The following PIAS2 variants were observed in gnomAD, a reference collection of about 807,000 sequenced individuals.
PIAS2 encodes the protein protein inhibitor of activated STAT 2, also known as E3 SUMO-protein ligase PIAS2.
Under a neutral mutation model 69.7 loss-of-function variants are expected in PIAS2, and 19 were observed. That is an observed-to-expected ratio of 0.27 (90% CI 0.19 to 0.40). The LOEUF is 0.40. PIAS2 is among the 10% of genes least tolerant of loss of function. PIAS2 has a pLI of 1.00. For missense variants in PIAS2, 624 were observed against 757.0 expected, an observed-to-expected ratio of 0.82 and a Z score of 2.06; for synonymous variants, 261 against 263.2, an observed-to-expected ratio of 0.99 and a Z score of 0.08.
At chr18:46,869,886 A>AC (rs2050069954) in intron 2 of PIAS2, among the ~76,000 whole-genome samples, 1 of 152,050 alleles carries the variant, frequency 6.6e-6, no homozygotes, top group Non-Finnish European at 1.5e-5. Flanking sequence ...GGCAGCAGGG[A>AC]CCCATCCTTC....
intron 3 of PIAS2, among the ~76,000 whole-genome samples, chr18:46,858,220 A>AC (rs1568557272): frequency 8.9e-6 from 1 of 112,800 alleles, no homozygotes; most frequent in South Asian, 2.7e-4. Context: ...AGGAGATAAG[A>AC]TTAAAAAAAA....
At chr18:46,871,583 C>A (rs1003556388) in intron 2 of PIAS2, among the ~76,000 whole-genome samples, 3 of 152,130 alleles carry the variant, frequency 2.0e-5, no homozygotes, top group African/African-American at 7.2e-5. Context: ...TTGAATTCTA[C>A]CAAGAGCCCT....
chr18:46,814,115 A>T (rs889745259), intron 13 of PIAS2, among the ~76,000 whole-genome samples: 5 of 152,132 alleles, frequency 3.3e-5, no homozygotes, highest in African/African-American at 1.2e-4. Context: ...CTGTGCGTTG[A>T]ATTCTTAGTA....
chr18:46,913,356 C>T lies in PIAS2; in HGVS notation c.24+3966G>A, dbSNP rs117185943. ...GCATGAAAGACCCAAATCTGATCTT[C>T]GAATTATGACACAACAAATTTACCC... On this transcript the variant is annotated intron_variant, in intron 1 of 13. Transcript: ENST00000585916. Among the ~76,000 whole-genome samples, 1,147 of 152,198 alleles carry T rather than the reference C, an allele frequency of 7.5e-3. 10 individuals are homozygous for T. The highest frequency in any genetic ancestry group is 0.03 in the South Asian group (147 of 4,822).
intron 12 of PIAS2, chr18:46,816,113 C>G (rs1458477732): frequency 1.0e-6 from 1 of 984,728 alleles, no homozygotes; most frequent in Non-Finnish European, 1.2e-6. Flanking sequence ...ACTAAACTCT[C>G]TTTAATTATT....
chr18:46,904,418 G>A lies in PIAS2; in HGVS notation c.24+12904C>T, dbSNP rs558641285. On this transcript the variant is annotated intron_variant, in intron 1 of 13. Transcript: ENST00000585916. ...GGACACAAAAATGTAACGGTGAGGA[G>A]AAATTTTTTAAATTAGGCAAAACTG... Among the ~76,000 whole-genome samples, 8 of 152,164 alleles carry A rather than the reference G, an allele frequency of 5.3e-5. No individual in the cohort carries two copies. In the South Asian group the frequency reaches 1.7e-3, roughly 32 times the overall value.
chr18:46,874,041 A>G (rs922459910), intron 2 of PIAS2, among the ~76,000 whole-genome samples: 2 of 152,250 alleles, frequency 1.3e-5, no homozygotes, highest in African/African-American at 4.8e-5. Flanking sequence ...AGTTGCATCA[A>G]GAAACCCACT....
intron 2 of PIAS2, among the ~76,000 whole-genome samples, chr18:46,875,136 G>A (rs187031415): frequency 5.3e-5 from 8 of 152,182 alleles, no homozygotes; most frequent in East Asian, 3.9e-4. Flanking sequence ...TCAGTTTGAC[G>A]CTTGTTCAGT....
At chr18:46,823,658 G>A (rs1020147456) in intron 11 of PIAS2, among the ~76,000 whole-genome samples, 3 of 152,112 alleles carry the variant, frequency 2.0e-5, no homozygotes, top group East Asian at 1.9e-4. Flanking sequence ...ATCCAATGGC[G>A]GTACAAATTA....
At chr18:46,817,948 C>A (rs1776504341) in intron 12 of PIAS2, 1 of 984,202 alleles carries the variant, frequency 1.0e-6, no homozygotes, top group Non-Finnish European at 1.2e-6. Flanking sequence ...AATGCTGTTT[C>A]TTATTTCACC....
At chr18:46,880,492 G>A (rs985949858) in intron 2 of PIAS2, among the ~76,000 whole-genome samples, 6 of 152,176 alleles carry the variant, frequency 3.9e-5, no homozygotes, top group Non-Finnish European at 7.3e-5. Context: ...TGAGGCAGGA[G>A]GTTCACTTGA....
intron 9 of PIAS2, among the ~76,000 whole-genome samples, chr18:46,834,143 G>C (rs984848676): frequency 1.3e-5 from 2 of 152,060 alleles, no homozygotes; most frequent in African/African-American, 4.8e-5. Context: ...AGCAATGTAT[G>C]ACGGAACAAC....
chr18:46,912,764 A>G (rs978052097), intron 1 of PIAS2, among the ~76,000 whole-genome samples: 1 of 152,200 alleles, frequency 6.6e-6, no homozygotes, highest in Non-Finnish European at 1.5e-5. Flanking sequence ...CTAAAAACAA[A>G]CAAACAAAAA....
At chr18:46,828,439 G>A (rs116455407) in intron 10 of PIAS2, among the ~76,000 whole-genome samples, 363 of 152,314 alleles carry the variant, frequency 2.4e-3, no homozygotes, top group African/African-American at 8.3e-3. Context: ...TGCTCATCCT[G>A]TCTCTGCAGG....
chr18:46,824,413 G>C (rs1305728699), intron 11 of PIAS2, among the ~76,000 whole-genome samples: 1 of 152,110 alleles, frequency 6.6e-6, no homozygotes, highest in Non-Finnish European at 1.5e-5. Context: ...TTCTTATTAA[G>C]GCAAAGCAAC....
At chr18:46,898,770 G>T (rs1033218161) in intron 1 of PIAS2, among the ~76,000 whole-genome samples, 1 of 152,070 alleles carries the variant, frequency 6.6e-6, no homozygotes, top group South Asian at 2.1e-4. Context: ...GAGGCAGGTG[G>T]ATCACCTGAG....
At chr18:46,905,275 A>T (rs867205894) in intron 1 of PIAS2, among the ~76,000 whole-genome samples, 23 of 152,336 alleles carry the variant, frequency 1.5e-4, no homozygotes, top group Middle Eastern at 6.8e-3. Context: ...TAAATAGCTC[A>T]TAAGTTAAAG....
Position 46,808,093 on chromosome 18 carries a change from G to A in PIAS2, c.*4340C>T, listed in dbSNP as rs982343342. 3.3e-5 allele frequency: 5 copies of A among 152,176 alleles called. No homozygotes were observed. The highest frequency in any genetic ancestry group is 1.2e-4 in the African/African-American group (5 of 41,456). 9.4% of individuals were successfully genotyped at this position (152,176 alleles called of 1,614,324 possible). Reference sequence around the variant, plus strand: ...GAAACATGGCACATCCATAACAATGGAGTACCATAAAATTAATAATAGTTG... The same window carrying A: ...GAAACATGGCACATCCATAACAATGAAGTACCATAAAATTAATAATAGTTG... On this transcript the variant is annotated 3_prime_UTR_variant, in exon 14 of 14. Coordinates refer to ENST00000585916, the MANE Select transcript of PIAS2 (RefSeq NM_004671.5).
chr18:46,827,827 T>C (rs2043033083), intron 11 of PIAS2, 132 bp downstream of exon 11: 1 of 734,406 alleles, frequency 1.4e-6, no homozygotes, highest in East Asian at 2.6e-5. Flanking sequence ...CTCGAAAATA[T>C]TTCAACTCAA....
Sources: gnomAD v4.1 joint callset for allele counts (sites outside exome capture counted in the v4.1 genomes callset) on GRCh38, gnomAD v4.1.1 for gene constraint, MANE v1.5 for transcripts, NCBI Gene and HGNC (gene_info 2026-07-23, HGNC 2026-07-21) for gene names.